ADCY5: variants seen among roughly 807,000 people sequenced by gnomAD.
The protein encoded by ADCY5 is adenylate cyclase type 5.
In ADCY5, 30 loss-of-function variants were observed where a neutral mutation model predicts 119.7. The ratio of observed to expected loss-of-function variants is 0.25; its 90% CI spans 0.19 to 0.34. The LOEUF (loss-of-function observed/expected upper bound fraction) is 0.34, where lower values mean the gene tolerates loss of function less well. Ranked by LOEUF, ADCY5 falls within the 10% of genes least tolerant of loss-of-function variation. The probability of loss-of-function intolerance (pLI) is 1.00; values close to 1 mark genes in which losing one functional copy is unlikely to be tolerated. For missense variants in ADCY5, 1,324 were observed against 1,775.2 expected, an observed-to-expected ratio of 0.75 and a Z score of 4.57; for synonymous variants, 753 against 762.2, an observed-to-expected ratio of 0.99 and a Z score of 0.20.
At chr3:123,367,133 T>C (rs1166483741) in intron 1 of ADCY5, among the ~76,000 whole-genome samples, 2 of 152,214 alleles carry the variant, frequency 1.3e-5, no homozygotes, top group African/African-American at 4.8e-5. Context: ...GCTAGATCCA[T>C]GGGGAATCCC....
intron 11 of ADCY5, among the ~76,000 whole-genome samples, chr3:123,317,750 CAAAAAAAAA>C (rs71142731): frequency 7.5e-6 from 1 of 133,608 alleles, no homozygotes; most frequent in African/African-American, 2.8e-5. Flanking sequence ...CACGCCGACC[CAAAAAAAAA>C]AAAAAAAGAA....
rs186036771 is a variant in ADCY5, at chr3:123,289,322, C to T, written c.3532+428G>A. Among the ~76,000 whole-genome samples, 15 of 152,306 alleles carry T rather than the reference C, an allele frequency of 9.8e-5. No individual in the cohort carries two copies. In the East Asian group the frequency reaches 2.5e-3, roughly 25 times the overall value. ...TGTGGAATACTTTTAAATAAAACAA[C>T]GCGGTTAGGTCAGTATTACTCGAAA... is the stretch of plus-strand genomic sequence containing the variant. On this transcript the variant is annotated intron_variant, in intron 19 of 20. Coordinates refer to ENST00000462833, the MANE Select transcript of ADCY5 (RefSeq NM_183357.3).
At chr3:123,369,495 G>C (rs1175157627) in intron 1 of ADCY5, among the ~76,000 whole-genome samples, 6 of 152,220 alleles carry the variant, frequency 3.9e-5, no homozygotes, top group Non-Finnish European at 5.9e-5. Flanking sequence ...AGGGAGATGA[G>C]ACATGAAACA....
At chr3:123,438,981 G>A (rs926192775) in intron 1 of ADCY5, among the ~76,000 whole-genome samples, 1 of 151,342 alleles carries the variant, frequency 6.6e-6, no homozygotes, top group African/African-American at 2.4e-5. Context: ...CAAACTCCTG[G>A]ACTCAAGCGA....
intron 3 of ADCY5, among the ~76,000 whole-genome samples, chr3:123,342,148 G>C (rs1559821414): frequency 6.6e-6 from 1 of 152,156 alleles, no homozygotes. Context: ...GATGTTCACG[G>C]CCCCTCCTCA....
At chr3:123,297,103 G>A (rs762348749) in intron 16 of ADCY5, 1 of 1,492,470 alleles carries the variant, frequency 6.7e-7, no homozygotes, top group Non-Finnish European at 9.0e-7. Context: ...CCTATGGGAT[G>A]ATCTGAAGCC....
At chr3:123,439,493 T>C (rs1274405540) in intron 1 of ADCY5, among the ~76,000 whole-genome samples, 1 of 152,218 alleles carries the variant, frequency 6.6e-6, no homozygotes, top group East Asian at 1.9e-4. Context: ...CAGTATATCA[T>C]CAAAACTGTT....
chr3:123,447,472 G>C lies in ADCY5; in HGVS notation c.1074C>G (p.Ser358=). The change falls in exon 1 of 21, where the codon TCC becomes TCG. Residue 358 remains serine (S), a synonymous_variant. Coordinates refer to ENST00000462833, the MANE Select transcript of ADCY5 (RefSeq NM_183357.3). ...RAAVLSGVLL[S]ALHLAIALRT... is the part of the protein sequence containing the mutation. ...GCAGGGCGATGGCCAGGTGGAGGGC[G>C]GACAGGAGCACCCCGCTGAGCACTG... 1 of 1,610,806 alleles carries C rather than the reference G, an allele frequency of 6.2e-7. No individual in the cohort carries two copies. The highest frequency in any genetic ancestry group is 8.5e-7 in the Non-Finnish European group (1 of 1,178,854).
At chr3:123,422,737 C>T (rs949517523) in intron 1 of ADCY5, among the ~76,000 whole-genome samples, 2 of 152,186 alleles carry the variant, frequency 1.3e-5, no homozygotes, top group African/African-American at 4.8e-5. Flanking sequence ...AGCTTCCAGG[C>T]TGGGCCCATC....
chr3:123,403,380 CAAAAAAAAAAA>C (rs35626615), intron 1 of ADCY5, among the ~76,000 whole-genome samples: 245 of 68,530 alleles, frequency 3.6e-3, no homozygotes, highest in African/African-American at 0.014. Flanking sequence ...GACCCTGTCT[CAAAAAAAAAAA>C]AAAAAAAAAA....
At chr3:123,322,468 C>T (rs140252654) in intron 8 of ADCY5, among the ~76,000 whole-genome samples, 401 of 152,224 alleles carry the variant, frequency 2.6e-3, no homozygotes, top group Middle Eastern at 0.01. Flanking sequence ...GAGAGCTCAG[C>T]GCCAGGTCGG....
intron 1 of ADCY5, among the ~76,000 whole-genome samples, chr3:123,410,099 G>A (rs1356553314): frequency 2.0e-5 from 3 of 152,206 alleles, no homozygotes; most frequent in Non-Finnish European, 2.9e-5. Context: ...ATGAGCAGGT[G>A]CTGGATCCGG....
intron 1 of ADCY5, among the ~76,000 whole-genome samples, chr3:123,365,501 C>A (rs1211040375): frequency 6.6e-6 from 1 of 152,126 alleles, no homozygotes; most frequent in Non-Finnish European, 1.5e-5. Context: ...AGCAGAGTGG[C>A]CCCCAAGCAA....
At chr3:123,369,945 G>C (rs189886651) in intron 1 of ADCY5, among the ~76,000 whole-genome samples, 461 of 152,328 alleles carry the variant, frequency 3.0e-3, no homozygotes, top group African/African-American at 0.01. Context: ...CTGCTAACAA[G>C]GGGGTAGGAA....
rs1169829634 is a variant in ADCY5, at chr3:123,289,774, AGGAGTGCTCATT to A, written c.3496_3507del (p.Asn1166_Ser1169del). On this transcript the variant is annotated inframe_deletion, in exon 19 of 21. Coordinates refer to ENST00000462833, the MANE Select transcript of ADCY5 (RefSeq NM_183357.3). ...CCGATCTTCATCTGGAAGTTGTTGA[AGGAGTGCTCATT>A]GATGTACTTCATCTGGTCCATCAGC... The A allele has an allele frequency of 6.2e-7, 1 of 1,613,946 alleles. No homozygotes were observed. The highest frequency in any genetic ancestry group is 8.5e-7 in the Non-Finnish European group (1 of 1,180,036).
intron 1 of ADCY5, among the ~76,000 whole-genome samples, chr3:123,422,267 C>T (rs1052139235): frequency 6.6e-6 from 1 of 152,158 alleles, no homozygotes; most frequent in African/African-American, 2.4e-5. Context: ...CTAAAATGAA[C>T]AAGATCTTGA....
intron 1 of ADCY5, among the ~76,000 whole-genome samples, chr3:123,358,746 AG>A (rs34838297): frequency 2.6e-5 from 4 of 152,318 alleles, no homozygotes; most frequent in Middle Eastern, 6.8e-3. Context: ...GTCAAAACCG[AG>A]GGGAGATGCC....
intron 1 of ADCY5, among the ~76,000 whole-genome samples, chr3:123,388,028 C>G (rs1944282134): frequency 6.6e-6 from 1 of 152,178 alleles, no homozygotes. Context: ...GGACAGAAAG[C>G]ATTCTAGAGA....
At chr3:123,374,922 A>C (rs1943764446) in intron 1 of ADCY5, among the ~76,000 whole-genome samples, 1 of 152,216 alleles carries the variant, frequency 6.6e-6, no homozygotes, top group South Asian at 2.1e-4. Flanking sequence ...GCACATGATG[A>C]GCTCACACTG....
Sources: gnomAD v4.1 joint callset for allele counts (sites outside exome capture counted in the v4.1 genomes callset) on GRCh38, gnomAD v4.1.1 for gene constraint, MANE v1.5 for transcripts, NCBI Gene and HGNC (gene_info 2026-07-23, HGNC 2026-07-21) for gene names.